The following TENM3 variants were observed in gnomAD, a reference collection of about 807,000 sequenced individuals.
TENM3 encodes teneurin transmembrane protein 3.
In TENM3, 63 loss-of-function variants were observed where a neutral mutation model predicts 255.1. That is an observed-to-expected ratio of 0.25 (90% confidence interval 0.20 to 0.30). The LOEUF (loss-of-function observed/expected upper bound fraction) is 0.30, where lower values mean the gene tolerates loss of function less well. Ranked by LOEUF, TENM3 falls within the 10% of genes least tolerant of loss-of-function variation. TENM3 has a pLI of 1.00. For synonymous variants in TENM3, 1,306 were observed against 1,322.3 expected (o/e 0.99, Z 0.27); for missense variants, 2,929 against 3,461.1 (o/e 0.85, Z 3.86).
chr4:182,127,278 C>G, the TENM3 span, among the ~76,000 whole-genome samples: 1 of 152,268 alleles, frequency 6.6e-6, no homozygotes, highest in Non-Finnish European at 1.5e-5. Context: ...CTGTGTATAA[C>G]TTTCATAATT....
chr4:182,025,020 A>T, the TENM3 span, among the ~76,000 whole-genome samples: 109 of 121,084 alleles, frequency 9.0e-4, no homozygotes, highest in African/African-American at 2.6e-3. Flanking sequence ...ACAGGATTTC[A>T]TTTTTTTTTT....
chr4:181,557,254 C>G, the TENM3 span, among the ~76,000 whole-genome samples: 1 of 152,264 alleles, frequency 6.6e-6, no homozygotes, highest in East Asian at 1.9e-4. Flanking sequence ...CTTCAAGAAA[C>G]AAGGTCAATG....
At chr4:182,161,286 G>A (rs1217706566) in intron 1 of TENM3, among the ~76,000 whole-genome samples, 1 of 136,260 alleles carries the variant, frequency 7.3e-6, no homozygotes, top group Non-Finnish European at 1.6e-5. Flanking sequence ...CGTGGTGGCG[G>A]GCGCCTGTAG....
At chr4:182,777,855 T>TTATA (rs112092768) in intron 24 of TENM3, among the ~76,000 whole-genome samples, 18 of 144,912 alleles carry the variant, frequency 1.2e-4, no homozygotes, top group Middle Eastern at 3.6e-3. Context: ...ATATATGCTG[T>TTATA]TATATATATA....
the TENM3 span, among the ~76,000 whole-genome samples, chr4:181,605,584 G>GAAAGAGAGAGAGAGAGAGAGA: frequency 1.5e-3 from 104 of 69,194 alleles, 14 homozygotes; most frequent in African/African-American, 6.0e-3. Context: ...GAGAAAGAAA[G>GAAAGAGAGAGAGAGAGAGAGA]GAAAGAAAGA....
chr4:182,552,858 T>A (rs1742191414), intron 3 of TENM3, among the ~76,000 whole-genome samples: 1 of 152,188 alleles, frequency 6.6e-6, no homozygotes, highest in Admixed American at 6.5e-5. Context: ...ACATAAAGTA[T>A]TTTTTGTTTT....
chr4:181,585,153 A>G, the TENM3 span, among the ~76,000 whole-genome samples: 1 of 152,034 alleles, frequency 6.6e-6, no homozygotes, highest in African/African-American at 2.4e-5. Flanking sequence ...AAACATGCAT[A>G]TTTCAACTAA....
intron 1 of TENM3, among the ~76,000 whole-genome samples, chr4:182,213,906 A>G (rs1199707108): frequency 1.3e-5 from 2 of 152,060 alleles, no homozygotes; most frequent in Non-Finnish European, 1.5e-5. Context: ...GGTTCACGCC[A>G]TTCTCCTGCC....
At chr4:181,744,723 A>T in the TENM3 span, among the ~76,000 whole-genome samples, 1 of 152,198 alleles carries the variant, frequency 6.6e-6, no homozygotes, top group Non-Finnish European at 1.5e-5. Flanking sequence ...TTACATTCCA[A>T]ATGTATTTTG....
At chr4:182,374,254 T>A (rs1026507049) in intron 3 of TENM3, among the ~76,000 whole-genome samples, 2 of 152,198 alleles carry the variant, frequency 1.3e-5, no homozygotes, top group Non-Finnish European at 2.9e-5. Flanking sequence ...GTCTTTTTGG[T>A]TTTATAGACT....
chr4:182,264,242 A>T (rs1759080069), intron 1 of TENM3, among the ~76,000 whole-genome samples: 1 of 152,210 alleles, frequency 6.6e-6, no homozygotes, highest in Admixed American at 6.5e-5. Flanking sequence ...GTACTTCAGG[A>T]TGAAACGTGG....
chr4:182,572,748 A>G (rs1287857323), intron 3 of TENM3, among the ~76,000 whole-genome samples: 1 of 152,234 alleles, frequency 6.6e-6, no homozygotes, highest in African/African-American at 2.4e-5. Context: ...AGTTGCTCAC[A>G]GATTTGATAA....
the TENM3 span, among the ~76,000 whole-genome samples, chr4:181,704,068 A>G: frequency 1.3e-5 from 2 of 152,148 alleles, no homozygotes; most frequent in African/African-American, 4.8e-5. Context: ...GTCATTTGGC[A>G]CCTTAAAGAG....
At chr4:182,220,238 A>T (rs748903227) in intron 1 of TENM3, among the ~76,000 whole-genome samples, 4 of 152,092 alleles carry the variant, frequency 2.6e-5, no homozygotes, top group Non-Finnish European at 5.9e-5. Context: ...TTAGTCGGGC[A>T]TGGTGGCGGG....
intron 24 of TENM3, among the ~76,000 whole-genome samples, chr4:182,777,893 G>T (rs1259987144): frequency 1.3e-5 from 2 of 150,324 alleles, no homozygotes; most frequent in Non-Finnish European, 3.0e-5. Flanking sequence ...AGTAAAAAAG[G>T]CAGGGAGTAG....
the TENM3 span, among the ~76,000 whole-genome samples, chr4:181,953,478 T>A: frequency 6.6e-6 from 1 of 152,074 alleles, no homozygotes; most frequent in Admixed American, 6.6e-5. Context: ...TCCTGCTACA[T>A]CGATGGATAC....
chr4:182,090,624 C>T, the TENM3 span, among the ~76,000 whole-genome samples: 28 of 152,226 alleles, frequency 1.8e-4, no homozygotes, highest in Non-Finnish European at 3.5e-4. Context: ...CATATATATA[C>T]GTGTACATAT....
the TENM3 span, among the ~76,000 whole-genome samples, chr4:181,620,260 C>CAAAATA: frequency 3.5e-5 from 5 of 140,886 alleles, no homozygotes; most frequent in African/African-American, 5.0e-5. Flanking sequence ...AACTCTATCT[C>CAAAATA]AAAATAAAAA....
chr4:181,519,536 A>G, the TENM3 span, among the ~76,000 whole-genome samples: 2,925 of 152,328 alleles, frequency 0.019, 92 homozygotes, highest in African/African-American at 0.066. Flanking sequence ...TTTAAAAATA[A>G]AAATGCTATG....
Sources: gnomAD v4.1 joint callset for allele counts (sites outside exome capture counted in the v4.1 genomes callset) on GRCh38, gnomAD v4.1.1 for gene constraint, MANE v1.5 for transcripts, NCBI Gene and HGNC (gene_info 2026-07-23, HGNC 2026-07-21) for gene names.